The following FBXL17 variants were observed in gnomAD, a reference collection of about 807,000 sequenced individuals.
The protein encoded by FBXL17 is F-box/LRR-repeat protein 17.
FBXL17 carries 22 observed loss-of-function variants against 66.2 expected under a neutral mutation model. That is an observed-to-expected ratio of 0.33 (90% CI 0.24 to 0.47). FBXL17 has a LOEUF of 0.47. Ranked by LOEUF, FBXL17 falls within the 20% of genes least tolerant of loss-of-function variation. The probability of loss-of-function intolerance (pLI) is 1.00; values close to 1 mark genes in which losing one functional copy is unlikely to be tolerated. For missense variants in FBXL17, 878 were observed against 948.2 expected, an observed-to-expected ratio of 0.93 and a Z score of 0.97; for synonymous variants, 474 against 400.5, an observed-to-expected ratio of 1.18 and a Z score of -2.19.
At chr5:108,201,248 C>T (rs935121759) in intron 5 of FBXL17, among the ~76,000 whole-genome samples, 2 of 152,040 alleles carry the variant, frequency 1.3e-5, no homozygotes, top group Non-Finnish European at 2.9e-5. Context: ...AACAAAATTG[C>T]AAAGAAAAAG....
intron 6 of FBXL17, among the ~76,000 whole-genome samples, chr5:108,107,656 C>T (rs1749855802): frequency 6.6e-6 from 1 of 151,280 alleles, no homozygotes; most frequent in Admixed American, 6.6e-5. Flanking sequence ...ACTAAAAATA[C>T]AAAAAATTAG....
At chr5:108,064,445 T>C (rs900375893) in intron 6 of FBXL17, among the ~76,000 whole-genome samples, 46 of 152,146 alleles carry the variant, frequency 3.0e-4, no homozygotes, top group African/African-American at 8.9e-4. Context: ...TATTCATCCC[T>C]GCTACAAGCA....
chr5:108,310,871 G>GA (rs1307453092), intron 4 of FBXL17, among the ~76,000 whole-genome samples: 4 of 152,098 alleles, frequency 2.6e-5, no homozygotes, highest in African/African-American at 9.7e-5. Context: ...GCCCAACACC[G>GA]AAAGTCCACA....
At chr5:107,994,671 C>T (rs979981578) in intron 7 of FBXL17, among the ~76,000 whole-genome samples, 10 of 151,978 alleles carry the variant, frequency 6.6e-5, no homozygotes, top group African/African-American at 1.9e-4. Flanking sequence ...AACCCCATCT[C>T]TACCAAAAAT....
intron 5 of FBXL17, among the ~76,000 whole-genome samples, chr5:108,208,509 C>G (rs1754226106): frequency 6.6e-6 from 1 of 152,110 alleles, no homozygotes; most frequent in Non-Finnish European, 1.5e-5. Context: ...GCAAAGGGTC[C>G]AGTTTCAGTT....
chr5:108,094,564 GAAC>G (rs1749301143), intron 6 of FBXL17, among the ~76,000 whole-genome samples: 2 of 152,034 alleles, frequency 1.3e-5, no homozygotes, highest in Non-Finnish European at 2.9e-5. Flanking sequence ...TCATTCACAT[GAAC>G]AACATTTACA....
chr5:108,314,321 T>A (rs1327112260), intron 4 of FBXL17, among the ~76,000 whole-genome samples: 1 of 151,656 alleles, frequency 6.6e-6, no homozygotes, highest in African/African-American at 2.4e-5. Flanking sequence ...TGGCCAATAT[T>A]GAAATGGCAT....
intron 7 of FBXL17, among the ~76,000 whole-genome samples, chr5:107,996,326 T>G (rs12654628): frequency 0.18 from 27,203 of 152,156 alleles, 6,807 homozygotes; most frequent in African/African-American, 0.56. Context: ...TGTTTGTTTG[T>G]TTGTTGGAGA....
intron 7 of FBXL17, among the ~76,000 whole-genome samples, chr5:108,019,194 T>TC (rs1754494622): frequency 6.6e-6 from 1 of 152,126 alleles, no homozygotes; most frequent in East Asian, 1.9e-4. Context: ...AGACATTAAT[T>TC]CCCCATTTTA....
intron 6 of FBXL17, among the ~76,000 whole-genome samples, chr5:108,066,450 G>T (rs913853145): frequency 1.3e-5 from 2 of 151,582 alleles, no homozygotes; most frequent in Admixed American, 6.6e-5. Flanking sequence ...TAAAATGAAA[G>T]AATTTATAAA....
intron 7 of FBXL17, among the ~76,000 whole-genome samples, chr5:107,912,500 C>A (rs1455451168): frequency 6.6e-6 from 1 of 152,008 alleles, no homozygotes; most frequent in Admixed American, 6.6e-5. Context: ...CAAAGTACAT[C>A]TATATGTATC....
intron 7 of FBXL17, among the ~76,000 whole-genome samples, chr5:107,956,633 G>A (rs1427457567): frequency 6.6e-6 from 1 of 152,092 alleles, no homozygotes; most frequent in Admixed American, 6.6e-5. Flanking sequence ...CACACAGGAG[G>A]CTTTCAAAAA....
intron 6 of FBXL17, among the ~76,000 whole-genome samples, chr5:108,100,189 A>T (rs1435812147): frequency 6.6e-6 from 1 of 152,186 alleles, no homozygotes; most frequent in Non-Finnish European, 1.5e-5. Flanking sequence ...TAGCATACAA[A>T]TTTTTAAAGA....
At chr5:108,178,043 TGA>T (rs1752862902) in intron 6 of FBXL17, among the ~76,000 whole-genome samples, 1 of 151,666 alleles carries the variant, frequency 6.6e-6, no homozygotes, top group South Asian at 2.1e-4. Flanking sequence ...TTATTTTTTT[TGA>T]GACAGGGTCT....
chr5:108,006,771 C>T (rs1753942075), intron 7 of FBXL17, among the ~76,000 whole-genome samples: 1 of 152,170 alleles, frequency 6.6e-6, no homozygotes, highest in Non-Finnish European at 1.5e-5. Context: ...ATTGAAACAA[C>T]CCCAAAGTTC....
chr5:108,050,498 T>A (rs1747428052), intron 6 of FBXL17, among the ~76,000 whole-genome samples: 1 of 152,040 alleles, frequency 6.6e-6, no homozygotes, highest in Admixed American at 6.6e-5. Context: ...CAGAAATCAA[T>A]AAGTTCTTTG....
chr5:108,373,946 T>C (rs902364661), intron 1 of FBXL17, among the ~76,000 whole-genome samples: 5 of 152,024 alleles, frequency 3.3e-5, no homozygotes, highest in African/African-American at 1.2e-4. Context: ...AATAACAGGA[T>C]AAAATGTAAA....
chr5:108,367,976 TATA>T, intron 1 of FBXL17, 23 bp from the exon 2 acceptor site: 2 of 1,539,734 alleles, frequency 1.3e-6, no homozygotes, highest in Non-Finnish European at 1.8e-6. Flanking sequence ...AACGGTACCA[TATA>T]ATATGTGCTA....
intron 4 of FBXL17, among the ~76,000 whole-genome samples, chr5:108,305,945 A>T (rs991180382): frequency 6.6e-5 from 10 of 152,024 alleles, no homozygotes; most frequent in Admixed American, 6.6e-4. Context: ...GCCAGTTTGG[A>T]TCTCATAAAT....
Sources: gnomAD v4.1 joint callset for allele counts (sites outside exome capture counted in the v4.1 genomes callset) on GRCh38, gnomAD v4.1.1 for gene constraint, MANE v1.5 for transcripts, NCBI Gene and HGNC (gene_info 2026-07-23, HGNC 2026-07-21) for gene names.